The following DNM3 variants were observed in gnomAD, a reference collection of about 807,000 sequenced individuals.
The protein encoded by DNM3 is dynamin 3, also known as dynamin-3.
DNM3 carries 47 observed loss-of-function variants against 101.6 expected under a neutral mutation model. The observed-to-expected ratio is 0.46, with a 90% CI of 0.37 to 0.59. The LOEUF (loss-of-function observed/expected upper bound fraction) is 0.59, where lower values mean the gene tolerates loss of function less well. Ranked by LOEUF, DNM3 falls within the 20% of genes least tolerant of loss-of-function variation. DNM3 has a pLI of 0.00. For missense variants in DNM3, 849 were observed against 1,085.7 expected (o/e 0.78, Z 3.06); for synonymous variants, 385 against 387.9 (o/e 0.99, Z 0.09).
At chr1:172,170,058 C>T (rs1291602096) in intron 14 of DNM3, among the ~76,000 whole-genome samples, 1 of 151,818 alleles carries the variant, frequency 6.6e-6, no homozygotes, top group Non-Finnish European at 1.5e-5. Flanking sequence ...GAGATCTATG[C>T]ACTACAAAGC....
rs568711522 is a variant in DNM3, at chr1:172,318,051, T to G, written c.1882-5278T>G. Among the ~76,000 whole-genome samples the G allele has an allele frequency of 8.3e-4, 127 of 152,264 alleles. 1 individual carries two copies. Among genetic ancestry groups the G allele is most frequent in the African/African-American group, 2.6e-3 (110 of 41,570 alleles). ...AAGCTTATCCACCATGATCAAGTGG[T>G]CTTCATCCCTGGGATGCAAGGCTGG... On this transcript the variant is annotated intron_variant, in intron 16 of 20. Coordinates refer to ENST00000627582, the MANE Select transcript of DNM3 (RefSeq NM_015569.5).
chr1:172,413,319 C>T (rs2071311436), downstream of DNM3, among the ~76,000 whole-genome samples: 1 of 152,108 alleles, frequency 6.6e-6, no homozygotes, highest in African/African-American at 2.4e-5. Context: ...CTCCGCCTCC[C>T]GGGTTCACGC....
intron 13 of DNM3, among the ~76,000 whole-genome samples, chr1:172,102,170 T>C (rs981987521): frequency 3.9e-5 from 6 of 152,146 alleles, no homozygotes; most frequent in Non-Finnish European, 5.9e-5. Flanking sequence ...TTAAAATTTT[T>C]CTTAAAATAA....
At chr1:172,263,952 T>C (rs200164351) in intron 15 of DNM3, among the ~76,000 whole-genome samples, 2 of 152,246 alleles carry the variant, frequency 1.3e-5, no homozygotes, top group African/African-American at 2.4e-5. Context: ...GAGATTATTA[T>C]ACATGAAATT....
intron 14 of DNM3, among the ~76,000 whole-genome samples, chr1:172,203,936 A>G (rs10911278): frequency 6.6e-6 from 1 of 152,126 alleles, no homozygotes; most frequent in African/African-American, 2.4e-5. Flanking sequence ...ATAAAACTGT[A>G]TGCCACATTT....
chr1:171,851,072 T>A (rs796928560), intron 1 of DNM3, among the ~76,000 whole-genome samples: 1 of 152,120 alleles, frequency 6.6e-6, no homozygotes, highest in Non-Finnish European at 1.5e-5. Flanking sequence ...CCAAGAACAG[T>A]GAGAGCTGGG....
intron 11 of DNM3, among the ~76,000 whole-genome samples, chr1:172,077,713 A>C (rs1471095712): frequency 6.6e-6 from 1 of 151,286 alleles, no homozygotes; most frequent in Non-Finnish European, 1.5e-5. Flanking sequence ...TTTGCTGAGG[A>C]GTGTATTTAT....
intron 14 of DNM3, among the ~76,000 whole-genome samples, chr1:172,147,412 A>G (rs1375387964): frequency 6.6e-6 from 1 of 152,172 alleles, no homozygotes; most frequent in Non-Finnish European, 1.5e-5. Context: ...ACTTTGAGGA[A>G]CTAAAGTTAT....
chr1:172,252,827 C>G (rs978160165), intron 14 of DNM3, among the ~76,000 whole-genome samples: 2 of 152,098 alleles, frequency 1.3e-5, no homozygotes, highest in Non-Finnish European at 2.9e-5. Context: ...CATTTGCAGA[C>G]CTTACCTCTT....
intron 2 of DNM3, among the ~76,000 whole-genome samples, chr1:171,964,247 C>T (rs1243464027): frequency 6.6e-6 from 1 of 152,014 alleles, no homozygotes; most frequent in Non-Finnish European, 1.5e-5. Context: ...AGTCTGGCAC[C>T]TTTTTAAGTC....
At chr1:171,880,695 A>C (rs1303222393) in intron 1 of DNM3, among the ~76,000 whole-genome samples, 1 of 152,178 alleles carries the variant, frequency 6.6e-6, no homozygotes, top group Admixed American at 6.5e-5. Flanking sequence ...TTCATGAAAA[A>C]TATATGTGTA....
chr1:172,048,482 A>G (rs933287341), intron 9 of DNM3, 130 bp from the exon 10 acceptor site: 39 of 1,029,632 alleles, frequency 3.8e-5, no homozygotes, highest in South Asian at 2.7e-4. Flanking sequence ...TTTGGGCACT[A>G]TGTAACTTTT....
At chr1:172,342,776 G>A (rs538180720) in intron 17 of DNM3, among the ~76,000 whole-genome samples, 2 of 152,316 alleles carry the variant, frequency 1.3e-5, no homozygotes, top group East Asian at 1.9e-4. Flanking sequence ...CACAATCTAT[G>A]ACAGTCTTGT....
chr1:172,218,993 A>C (rs1273005567), intron 14 of DNM3, among the ~76,000 whole-genome samples: 1 of 152,106 alleles, frequency 6.6e-6, no homozygotes, highest in African/African-American at 2.4e-5. Flanking sequence ...AAATTAAATT[A>C]ATTATTTCAA....
chr1:172,033,231 T>C lies in DNM3; in HGVS notation c.815T>C (p.Met272Thr). Reference sequence around the variant, plus strand: ...GCTTACAGACATATCGCTGACCGAATGGGAACCCCACACCTGCAGAAGGTC... The same window carrying C: ...GCTTACAGACATATCGCTGACCGAACGGGAACCCCACACCTGCAGAAGGTC... Reference protein sequence around the residue: ...HPAYRHIADRMGTPHLQKVLN... With the variant: ...HPAYRHIADRTGTPHLQKVLN... The change falls in exon 6 of 21, where the codon ATG becomes ACG. Residue 272 changes from methionine (M) to threonine (T), a missense_variant. By Grantham distance (81) the Met-to-Thr change is moderately conservative. Coordinates refer to ENST00000627582, the MANE Select transcript of DNM3 (RefSeq NM_015569.5). 1.2e-6 allele frequency: 2 copies of C among 1,605,782 alleles called. No homozygotes were observed. The highest frequency in any genetic ancestry group is 1.7e-6 in the Non-Finnish European group (2 of 1,176,036).
At chr1:172,328,311 C>G (rs1433564839) in intron 17 of DNM3, among the ~76,000 whole-genome samples, 2 of 152,134 alleles carry the variant, frequency 1.3e-5, no homozygotes, top group Non-Finnish European at 2.9e-5. Flanking sequence ...CTCCTTTCTG[C>G]ATGCTTCATG....
At chr1:172,318,954 A>T (rs1463952339) in intron 16 of DNM3, among the ~76,000 whole-genome samples, 5 of 152,120 alleles carry the variant, frequency 3.3e-5, no homozygotes, top group Admixed American at 6.5e-5. Flanking sequence ...AAAAGAACAA[A>T]GCTGGAGGCA....
intron 14 of DNM3, among the ~76,000 whole-genome samples, chr1:172,249,309 C>G (rs979740427): frequency 2.0e-5 from 3 of 152,138 alleles, no homozygotes; most frequent in Non-Finnish European, 4.4e-5. Context: ...TCCCATAATT[C>G]CCACCTTCTA....
At chr1:172,043,776 G>A (rs1158764406) in intron 8 of DNM3, among the ~76,000 whole-genome samples, 1 of 152,158 alleles carries the variant, frequency 6.6e-6, no homozygotes, top group Non-Finnish European at 1.5e-5. Flanking sequence ...CAGAGGTCAG[G>A]GTTGAACTCA....
Sources: gnomAD v4.1 joint callset for allele counts (sites outside exome capture counted in the v4.1 genomes callset) on GRCh38, gnomAD v4.1.1 for gene constraint, MANE v1.5 for transcripts, NCBI Gene and HGNC (gene_info 2026-07-23, HGNC 2026-07-21) for gene names.